The following TMEM245 variants were observed in gnomAD, a reference collection of about 807,000 sequenced individuals.
The protein encoded by TMEM245 is transmembrane protein 245, also known as protein CG-2.
In TMEM245, 69 loss-of-function variants were observed where a neutral mutation model predicts 101.2. The observed-to-expected ratio is 0.68, with a 90% CI of 0.56 to 0.83. The LOEUF (loss-of-function observed/expected upper bound fraction) is 0.83, where lower values mean the gene tolerates loss of function less well. Ranked by LOEUF, TMEM245 falls within the 40% of genes least tolerant of loss-of-function variation. TMEM245 has a pLI of 0.00. For missense variants in TMEM245, 1,075 were observed against 1,092.8 expected (o/e 0.98, Z 0.23); for synonymous variants, 537 against 449.8 (o/e 1.19, Z -2.45).
intron 2 of TMEM245, among the ~76,000 whole-genome samples, chr9:109,107,888 T>C (rs552773122): frequency 7.9e-5 from 12 of 152,336 alleles, no homozygotes; most frequent in African/African-American, 2.2e-4. Context: ...ATCATCCTTA[T>C]GTGGAAAAGA....
chr9:109,057,448 G>A, intron 11 of TMEM245, 126 bp from the exon 12 acceptor site: 2 of 1,142,734 alleles, frequency 1.8e-6, no homozygotes, highest in Non-Finnish European at 2.4e-6. Context: ...AAAGAACTTT[G>A]CATTATTTAA....
Position 109,033,362 on chromosome 9 carries a change from G to A in TMEM245, c.2539C>T (p.Pro847Ser), listed in dbSNP as rs1236914681. 1.2e-6 allele frequency: 2 copies of A among 1,613,924 alleles called. No individual in the cohort carries two copies. Among genetic ancestry groups the A allele is most frequent in the South Asian group, 2.2e-5 (2 of 91,048 alleles). The change falls in exon 17 of 18, where the codon CCC becomes TCC. Residue 847 changes from proline (P) to serine (S), a missense_variant. Pro to Ser is a moderately conservative substitution (Grantham distance 74). Coordinates refer to ENST00000374586, the MANE Select transcript of TMEM245 (RefSeq NM_032012.4). Reference protein sequence around the residue: ...SNIYSAMLVSPTNSVPTPNQT... With the variant: ...SNIYSAMLVSSTNSVPTPNQT... ...TTTGGCGTGGGAACTGAATTCGTGG[G>A]ACTCACTAGCATGGCACTATAGATA...
chr9:109,037,071 A>G (rs537979211), intron 15 of TMEM245, among the ~76,000 whole-genome samples: 50 of 152,280 alleles, frequency 3.3e-4, no homozygotes, highest in African/African-American at 1.2e-3. Context: ...AGAAGGAAGC[A>G]CAGACAAATA....
At chr9:109,050,970 A>G (rs934912797) in intron 12 of TMEM245, among the ~76,000 whole-genome samples, 2 of 152,074 alleles carry the variant, frequency 1.3e-5, no homozygotes, top group African/African-American at 4.8e-5. Context: ...ATGAAATGCT[A>G]AATTTAAAAA....
intron 9 of TMEM245, among the ~76,000 whole-genome samples, chr9:109,067,334 C>T (rs1829201070): frequency 6.6e-6 from 1 of 152,172 alleles, no homozygotes; most frequent in African/African-American, 2.4e-5. Flanking sequence ...TACACCTCTA[C>T]AGCCCCTGAA....
intron 1 of TMEM245, among the ~76,000 whole-genome samples, chr9:109,111,846 T>C (rs1167623772): frequency 6.6e-6 from 1 of 152,182 alleles, no homozygotes; most frequent in African/African-American, 2.4e-5. Flanking sequence ...TGTTTTAAAA[T>C]ATTATCTCTA....
rs141898764 is a variant in TMEM245 at position 109,056,558 on chromosome 9, G to T, written c.1854+633C>A. Among the ~76,000 whole-genome samples the T allele has an allele frequency of 1.6e-4, 24 of 151,628 alleles. No homozygotes were observed. In the East Asian group the frequency reaches 4.7e-3, roughly 29 times the overall value. ...TTGAACCCGGGAGGTGGAAATTGCA[G>T]TAAACTGAGATCACACTACTGCACT... On this transcript the variant is annotated intron_variant, in intron 12 of 17. Coordinates refer to ENST00000374586, the MANE Select transcript of TMEM245 (RefSeq NM_032012.4).
intron 11 of TMEM245, 61 bp downstream of exon 11, chr9:109,060,292 TG>T: frequency 1.7e-6 from 2 of 1,188,666 alleles, no homozygotes; most frequent in South Asian, 2.7e-5. Flanking sequence ...CCTATCTAGT[TG>T]ATGAGTCAAT....
chr9:109,061,969 A>AC (rs1249422027), intron 10 of TMEM245, among the ~76,000 whole-genome samples: 33 of 152,082 alleles, frequency 2.2e-4, no homozygotes, highest in Non-Finnish European at 1.0e-4. Context: ...GTTACTTGTG[A>AC]CATAAATAAA....
intron 17 of TMEM245, among the ~76,000 whole-genome samples, chr9:109,028,875 A>G (rs1171190845): frequency 6.6e-6 from 1 of 152,140 alleles, no homozygotes; most frequent in Non-Finnish European, 1.5e-5. Flanking sequence ...ACCCCAATCC[A>G]CAGATGAAAC....
intron 14 of TMEM245, among the ~76,000 whole-genome samples, chr9:109,041,893 G>C (rs1456711700): frequency 2.0e-5 from 3 of 152,030 alleles, no homozygotes. Context: ...CGCTGTCAGA[G>C]GCCGAAGCAG....
rs76591237 is a variant in TMEM245, at chr9:109,083,128, C to T, written c.1345-2185G>A. Reference sequence around the variant, plus strand: ...AGGTCAAGCAAAAAAAAAATGGGGGCACGGGGAGTTGATACATAAAACTAA... The same window carrying T: ...AGGTCAAGCAAAAAAAAAATGGGGGTACGGGGAGTTGATACATAAAACTAA... On this transcript the variant is annotated intron_variant, in intron 7 of 17. Coordinates refer to ENST00000374586, the MANE Select transcript of TMEM245 (RefSeq NM_032012.4). Among the ~76,000 whole-genome samples, 1,228 of 151,228 alleles carry T rather than the reference C, an allele frequency of 8.1e-3. 21 individuals are homozygous for T. The highest frequency in any genetic ancestry group is 0.028 in the African/African-American group (1,137 of 41,190).
chr9:109,060,296 G>A, intron 11 of TMEM245, 58 bp downstream of exon 11: 1 of 1,202,448 alleles, frequency 8.3e-7, no homozygotes. Context: ...TCTAGTTGAT[G>A]AGTCAATAAA....
intron 5 of TMEM245, among the ~76,000 whole-genome samples, chr9:109,090,271 C>T (rs925427620): frequency 1.3e-5 from 2 of 150,168 alleles, no homozygotes; most frequent in Non-Finnish European, 3.0e-5. Context: ...AAAAAAAAAA[C>T]AAAAAATCAT....
chr9:109,050,167 C>A, intron 14 of TMEM245, 116 bp downstream of exon 14: 3 of 1,169,368 alleles, frequency 2.6e-6, no homozygotes, highest in Non-Finnish European at 3.6e-6. Context: ...TTGAAAATAC[C>A]AGAGTCCATC....
rs2132569119 is a variant in TMEM245 at position 109,091,170 on chromosome 9, A to G, written c.917-15T>C. ...GTCCACTGCTTCTGAAAAGGAAAAG[A>G]AAAACACCACACACCGCATTAGTCC... On this transcript the variant is annotated splice_polypyrimidine_tract_variant and intron_variant, in intron 4 of 17. Coordinates refer to ENST00000374586, the MANE Select transcript of TMEM245 (RefSeq NM_032012.4). 1 of 1,606,556 alleles carries G rather than the reference A, an allele frequency of 6.2e-7. No homozygotes were observed.
At chr9:109,084,301 T>C (rs1422439583) in intron 7 of TMEM245, among the ~76,000 whole-genome samples, 2 of 152,142 alleles carry the variant, frequency 1.3e-5, no homozygotes, top group Non-Finnish European at 2.9e-5. Context: ...GTATGTCCTT[T>C]CTTGGAATGT....
At chr9:109,021,790 G>T (rs1827631636) in intron 17 of TMEM245, among the ~76,000 whole-genome samples, 1 of 152,116 alleles carries the variant, frequency 6.6e-6, no homozygotes, top group African/African-American at 2.4e-5. Context: ...GCAACAAAAT[G>T]AGACCCTGCA....
At chr9:109,113,508 A>T (rs937350177) in intron 1 of TMEM245, among the ~76,000 whole-genome samples, 51 of 152,236 alleles carry the variant, frequency 3.4e-4, no homozygotes, top group African/African-American at 1.2e-3. Flanking sequence ...TTATAGCACC[A>T]ATGTGCTAGA....
Sources: allele counts gnomAD v4.1 joint callset (sites outside exome capture counted in the v4.1 genomes callset), GRCh38; gene constraint gnomAD v4.1.1; transcripts MANE v1.5; gene names NCBI Gene and HGNC (gene_info 2026-07-23, HGNC 2026-07-21).